Variants in NEMF observed in about 807,000 individuals in gnomAD.
NEMF encodes the protein nuclear export mediator factor, also known as ribosome quality control complex subunit NEMF.
A neutral mutation model predicts 162.2 loss-of-function variants in NEMF; 89 were observed. That is an observed-to-expected ratio of 0.55 (90% CI 0.46 to 0.65). The LOEUF (loss-of-function observed/expected upper bound fraction) is 0.65. NEMF is among the 30% of genes least tolerant of loss of function. The pLI is 0.00. For missense variants in NEMF, 1,133 were observed against 1,261.9 expected, an observed-to-expected ratio of 0.90 and a Z score of 1.55; for synonymous variants, 421 against 404.5, an observed-to-expected ratio of 1.04 and a Z score of -0.49.
intron 15 of NEMF, among the ~76,000 whole-genome samples, chr14:49,826,715 A>G (rs747393072): frequency 1.6e-4 from 24 of 152,184 alleles, no homozygotes; most frequent in Non-Finnish European, 2.5e-4. Context: ...GGGATGCAGC[A>G]ATGAACAACA....
chr14:49,832,189 C>G lies in NEMF; in HGVS notation c.806+18G>C. 6.2e-7 allele frequency: 1 copy of G among 1,600,310 alleles called. No individual in the cohort carries two copies. Among genetic ancestry groups the G allele is most frequent in the Non-Finnish European group, 8.5e-7 (1 of 1,171,216 alleles). On this transcript the variant is annotated intron_variant, in intron 9 of 32. Transcript: ENST00000298310. ...TAACAAACATCCAAAGCAAATTGACCCATGCCTATATGCTTACGTCAGTAT... is the reference window on the plus strand; with the variant it reads ...TAACAAACATCCAAAGCAAATTGACGCATGCCTATATGCTTACGTCAGTAT...
chr14:49,832,493 G>C (rs907148773), intron 8 of NEMF, among the ~76,000 whole-genome samples: 1 of 151,876 alleles, frequency 6.6e-6, no homozygotes, highest in African/African-American at 2.4e-5. Flanking sequence ...CACCATACCT[G>C]GCTAATTTTT....
chr14:49,822,202 T>G (rs1044256879), intron 16 of NEMF, among the ~76,000 whole-genome samples: 1 of 152,024 alleles, frequency 6.6e-6, no homozygotes, highest in Non-Finnish European at 1.5e-5. Context: ...CTTTGTTCAC[T>G]TGTTTGCCTG....
At position 49,800,961 on chromosome 14, in the gene NEMF, T is replaced by C. The variant is rs74756360; in HGVS notation, c.2096-265A>G. The C allele has an allele frequency of 3.9e-3, 1,424 of 363,186 alleles. 21 individuals are homozygous for C. The highest frequency in any genetic ancestry group is 0.027 in the African/African-American group (1,304 of 47,914). The allele number at this position is 363,186 out of a possible 1,614,324, so 22.5% of individuals were successfully genotyped here. A position where few individuals can be genotyped will look rare whatever the true frequency, so the allele number is the denominator to read the frequency against. ...CTTTCAACAATGAAAACCACAACTCTGCCTTAGTTGGGTATTTCCAAAAAC... is the reference window on the plus strand; with the variant it reads ...CTTTCAACAATGAAAACCACAACTCCGCCTTAGTTGGGTATTTCCAAAAAC... On this transcript the variant is annotated intron_variant, in intron 22 of 32. Transcript: ENST00000298310.
In NEMF at chr14:49,786,831, AAACAGTGATAC is replaced by A. The variant is rs1287048894; in HGVS notation, c.2896-92_2896-82del. On this transcript the variant is annotated intron_variant, in intron 28 of 32. Coordinates refer to ENST00000298310, the MANE Select transcript of NEMF (RefSeq NM_004713.6). ...ACATCATTAAACCATAAGGAGAAAGAAACAGTGATACAACCAGACTGTCATTTCTGACCCAC... is the reference window on the plus strand; with the variant it reads ...ACATCATTAAACCATAAGGAGAAAGAAACCAGACTGTCATTTCTGACCCAC... 82 of 1,289,994 alleles carry A rather than the reference AAACAGTGATAC, an allele frequency of 6.4e-5. No homozygotes were observed. The African/African-American group carries it at 1.1e-3, about 17-fold the overall frequency. The allele number at this position is 1,289,994 out of a possible 1,614,324, so 79.9% of individuals were successfully genotyped here. A position where few individuals can be genotyped will look rare whatever the true frequency, so the allele number is the denominator to read the frequency against.
chr14:49,841,578 GAAAAAA>G (rs535773426), intron 4 of NEMF, among the ~76,000 whole-genome samples: 1,320 of 73,334 alleles, frequency 0.018, 23 homozygotes, highest in African/African-American at 0.058. Context: ...CTCGTCTTAA[GAAAAAA>G]AAAAAAAAAA....
At chr14:49,848,656 G>C (rs186530830) in intron 3 of NEMF, among the ~76,000 whole-genome samples, 1 of 151,914 alleles carries the variant, frequency 6.6e-6, no homozygotes, top group African/African-American at 2.4e-5. Flanking sequence ...CCAACATGGT[G>C]AAACCCCATC....
rs763720420 is a variant in NEMF at position 49,784,661 on chromosome 14, T to C, written c.3206A>G (p.Asn1069Ser). Residue 1069 changes from asparagine to serine, a missense_variant, in exon 33 of 33, where the codon AAT (asparagine) becomes AGT (serine). By Grantham distance (46) the Asn-to-Ser change is conservative. Transcript: ENST00000298310. ...IPGKVKVSAP[N>S]LLNVKRK ...CTATTTCCTTTTTACGTTCAGAAGA[T>C]TGGGTGCAGACACTTTCACTTTGCC... The C allele has an allele frequency of 1.5e-5, 24 of 1,611,394 alleles. No individual in the cohort carries two copies. Among genetic ancestry groups the C allele is most frequent in the Non-Finnish European group, 1.8e-5 (21 of 1,178,872 alleles).
chr14:49,783,013 G>A lies in NEMF; in HGVS notation c.*1623C>T. 1 of 1,541,284 alleles carries A rather than the reference G, an allele frequency of 6.5e-7. No individual in the cohort carries two copies. Among genetic ancestry groups the A allele is most frequent in the South Asian group, 1.2e-5 (1 of 83,460 alleles). On this transcript the variant is annotated 3_prime_UTR_variant, in exon 33 of 33. Coordinates refer to ENST00000298310, the MANE Select transcript of NEMF (RefSeq NM_004713.6). ...GGACAGCAATCCTGTAAACATCACA[G>A]AGTGGCATCATTTGTATAATTATAT...
chr14:49,824,088 T>G (rs1892219898), intron 16 of NEMF, among the ~76,000 whole-genome samples: 1 of 152,202 alleles, frequency 6.6e-6, no homozygotes, highest in East Asian at 1.9e-4. Flanking sequence ...GAGAATCACT[T>G]GAACCCAGGA....
chr14:49,784,549 A>G lies in NEMF; in HGVS notation c.*87T>C. The G allele has an allele frequency of 2.3e-6, 2 of 885,400 alleles. No individual in the cohort carries two copies. Among genetic ancestry groups the G allele is most frequent in the Non-Finnish European group, 3.6e-6 (2 of 554,794 alleles). The allele number at this position is 885,400 out of a possible 1,614,324, so 54.8% of individuals were successfully genotyped here. ...TGTTTAGTTCATTTTTATAATGCGG[A>G]AATCCTGATACATGGTGCTTTCATC... is the stretch of plus-strand genomic sequence containing the variant. On this transcript the variant is annotated 3_prime_UTR_variant, in exon 33 of 33. Coordinates refer to ENST00000298310, the MANE Select transcript of NEMF (RefSeq NM_004713.6).
At chr14:49,797,601 G>A (rs6572617) in intron 25 of NEMF, 147,488 of 152,290 alleles carry the variant, frequency 0.97, 71,618 homozygotes, top group East Asian at 1. Context: ...CAGCCACTGC[G>A]CTCCAGCCTG....
chr14:49,850,838 G>A (rs1893738144), intron 3 of NEMF, among the ~76,000 whole-genome samples: 1 of 152,118 alleles, frequency 6.6e-6, no homozygotes, highest in South Asian at 2.1e-4. Context: ...AGAATGTTAG[G>A]CTATAGAATA....
At chr14:49,787,774 G>T (rs1383866904) in intron 28 of NEMF, among the ~76,000 whole-genome samples, 1 of 152,034 alleles carries the variant, frequency 6.6e-6, no homozygotes, top group African/African-American at 2.4e-5. Flanking sequence ...AGAACATAAG[G>T]ATATTGTACA....
At chr14:49,845,690 G>A (rs1893465418) in intron 4 of NEMF, among the ~76,000 whole-genome samples, 1 of 152,106 alleles carries the variant, frequency 6.6e-6, no homozygotes, top group Non-Finnish European at 1.5e-5. Context: ...CACCAGCCTA[G>A]GCCTACACAG....
chr14:49,792,623 G>A (rs977792174), intron 26 of NEMF, among the ~76,000 whole-genome samples: 3 of 152,210 alleles, frequency 2.0e-5, no homozygotes, highest in Non-Finnish European at 2.9e-5. Context: ...GAGACGGTAT[G>A]AGAAATTAGA....
At chr14:49,845,849 G>A in intron 4 of NEMF, 1 of 451,052 alleles carries the variant, frequency 2.2e-6, no homozygotes. Flanking sequence ...CTATTTTCTG[G>A]TTGCATATTA....
intron 16 of NEMF, among the ~76,000 whole-genome samples, chr14:49,816,539 C>T (rs1359961420): frequency 6.6e-6 from 1 of 152,184 alleles, no homozygotes; most frequent in Non-Finnish European, 1.5e-5. Context: ...GCATCATGGT[C>T]CTACGGATAC....
At chr14:49,808,592 G>GT (rs1891329232) in intron 18 of NEMF, among the ~76,000 whole-genome samples, 1 of 152,016 alleles carries the variant, frequency 6.6e-6, no homozygotes, top group Admixed American at 6.6e-5. Context: ...TTTATGCCTT[G>GT]TTTTCTTCTA....
Sources: gnomAD v4.1 joint callset for allele counts (sites outside exome capture counted in the v4.1 genomes callset) on GRCh38, gnomAD v4.1.1 for gene constraint, MANE v1.5 for transcripts, NCBI Gene and HGNC (gene_info 2026-07-23, HGNC 2026-07-21) for gene names.